The following HTR3B variants were observed in gnomAD, a reference collection of about 807,000 sequenced individuals.
HTR3B encodes the protein 5-hydroxytryptamine (serotonin) receptor 3B, ionotropic.
In HTR3B, 44 loss-of-function variants were observed where a neutral mutation model predicts 42.8. The observed-to-expected ratio is 1.03, with a 90% CI of 0.81 to 1.32. HTR3B has a LOEUF of 1.32. Ranked by LOEUF, HTR3B falls within the 40% of genes most tolerant of loss-of-function variation. HTR3B has a pLI of 0.00. For synonymous variants in HTR3B, 203 were observed against 209.0 expected (o/e 0.97, Z 0.25); for missense variants, 527 against 536.5 (o/e 0.98, Z 0.17).
At chr11:113,926,849 C>T (rs1591579042) in intron 2 of HTR3B, among the ~76,000 whole-genome samples, 1 of 152,142 alleles carries the variant, frequency 6.6e-6, no homozygotes, top group African/African-American at 2.4e-5. Context: ...TTCAAACTGA[C>T]TGAATCACTT....
chr11:113,932,626 C>A (rs1333380526), intron 5 of HTR3B, among the ~76,000 whole-genome samples, 168 bp downstream of exon 5: 1 of 134,466 alleles, frequency 7.4e-6, no homozygotes, highest in Non-Finnish European at 1.5e-5. Context: ...AAGTATGATG[C>A]TGTAGGCCCC....
chr11:113,924,917 A>G (rs1404894272), intron 2 of HTR3B, among the ~76,000 whole-genome samples: 1 of 152,226 alleles, frequency 6.6e-6, no homozygotes, highest in East Asian at 1.9e-4. Flanking sequence ...CAGGGCGACT[A>G]TGTTTCTATG....
intron 8 of HTR3B, among the ~76,000 whole-genome samples, chr11:113,945,697 C>CTCTG (rs1950171274): frequency 3.3e-5 from 5 of 152,344 alleles, no homozygotes; most frequent in African/African-American, 1.2e-4. Flanking sequence ...TACATAATAA[C>CTCTG]AGCTCTGACG....
intron 2 of HTR3B, among the ~76,000 whole-genome samples, chr11:113,927,208 C>G (rs905779227): frequency 6.6e-6 from 1 of 152,112 alleles, no homozygotes; most frequent in Non-Finnish European, 1.5e-5. Context: ...TTACCATCAC[C>G]GTGATTCAGT....
chr11:113,924,138 TA>T (rs1949944502), intron 2 of HTR3B, among the ~76,000 whole-genome samples: 1 of 152,224 alleles, frequency 6.6e-6, no homozygotes, highest in Admixed American at 6.5e-5. Flanking sequence ...CGAATAGATG[TA>T]AAAATGTATT....
At chr11:113,934,888 G>T (rs1950076168) in intron 6 of HTR3B, among the ~76,000 whole-genome samples, 1 of 152,062 alleles carries the variant, frequency 6.6e-6, no homozygotes. Context: ...GAAATGTGAA[G>T]GAGTAGCACA....
At chr11:113,900,624 G>T (rs1431061190), upstream of HTR3B, among the ~76,000 whole-genome samples, 1 of 152,144 alleles carries the variant, frequency 6.6e-6, no homozygotes, top group East Asian at 1.9e-4. Flanking sequence ...CTCCTGAGTA[G>T]CTGGGATAAC....
At chr11:113,911,165 G>A (rs1036829659) in intron 2 of HTR3B, among the ~76,000 whole-genome samples, 1 of 152,006 alleles carries the variant, frequency 6.6e-6, no homozygotes, top group Non-Finnish European at 1.5e-5. Flanking sequence ...TACATATGTG[G>A]AAATACACAG....
intron 6 of HTR3B, among the ~76,000 whole-genome samples, chr11:113,940,144 C>T (rs550123597): frequency 2.6e-4 from 40 of 152,244 alleles, no homozygotes; most frequent in African/African-American, 9.6e-4. Flanking sequence ...GCGTTGGCCT[C>T]CCAAAGTGCT....
At chr11:113,943,573 G>C (rs1409107449) in intron 7 of HTR3B, among the ~76,000 whole-genome samples, 1 of 151,922 alleles carries the variant, frequency 6.6e-6, no homozygotes, top group Non-Finnish European at 1.5e-5. Flanking sequence ...GACCTCAGGT[G>C]GTCCGCCCAC....
At chr11:113,918,008 T>C (rs1763268680) in intron 2 of HTR3B, among the ~76,000 whole-genome samples, 3 of 152,164 alleles carry the variant, frequency 2.0e-5, no homozygotes, top group African/African-American at 4.8e-5. Context: ...GCTTCCCACA[T>C]GGCATATTCT....
chr11:113,941,573 A>G (rs968006888), intron 6 of HTR3B, among the ~76,000 whole-genome samples: 5 of 151,632 alleles, frequency 3.3e-5, no homozygotes, highest in Non-Finnish European at 7.4e-5. Context: ...ACTGAGACGC[A>G]CTCCTCCACC....
rs77318025 is a variant in HTR3B, at chr11:113,940,377, C to T, written c.697-2605C>T. Among the ~76,000 whole-genome samples the T allele has an allele frequency of 2.9e-3, 442 of 152,328 alleles. 5 individuals are homozygous for T. Among genetic ancestry groups the T allele is most frequent in the African/African-American group, 9.5e-3 (395 of 41,574 alleles). ...CCCACAGGGCTAGATCACCAATAGCCCAGAATGGGCCACAACATAATACCC... is the reference window on the plus strand; with the variant it reads ...CCCACAGGGCTAGATCACCAATAGCTCAGAATGGGCCACAACATAATACCC... On this transcript the variant is annotated intron_variant, in intron 6 of 8. Transcript: ENST00000260191.
rs1362457495 is a variant in HTR3B at position 113,946,963 on chromosome 11, A to G, written c.*826A>G. On this transcript the variant is annotated 3_prime_UTR_variant, in exon 9 of 9. Transcript: ENST00000260191. ...GATTCCCATGGTCAACCTGGTACCA[A>G]CCAACCAGAGCATAAAATTCCTGCC... 6.6e-6 allele frequency among the ~76,000 whole-genome samples: 1 copy of G among 152,200 alleles called. No homozygotes were observed. The highest frequency in any genetic ancestry group is 1.5e-5 in the Non-Finnish European group (1 of 68,026).
At chr11:113,907,494 T>C (rs955372211) in intron 1 of HTR3B, among the ~76,000 whole-genome samples, 1 of 152,306 alleles carries the variant, frequency 6.6e-6, no homozygotes, top group South Asian at 2.1e-4. Flanking sequence ...TCTTTCCCCT[T>C]TTGGTTTATT....
At position 113,946,267 on chromosome 11, in the gene HTR3B, A is replaced by G. The variant is rs963369415; in HGVS notation, c.*130A>G. ...TATAGTCCCAGTGCTTTGGGAGGCCATAGCAGGAGGATTGCTTGAGCCCAG... is the reference window on the plus strand; with the variant it reads ...TATAGTCCCAGTGCTTTGGGAGGCCGTAGCAGGAGGATTGCTTGAGCCCAG... On this transcript the variant is annotated 3_prime_UTR_variant, in exon 9 of 9. Transcript: ENST00000260191. 2.6e-5 allele frequency: 18 copies of G among 692,728 alleles called. No individual in the cohort carries two copies. Among genetic ancestry groups the G allele is most frequent in the South Asian group, 3.4e-5 (2 of 58,072 alleles). The allele number at this position is 692,728 out of a possible 1,614,324, so 42.9% of individuals were successfully genotyped here. A position where few individuals can be genotyped will look rare whatever the true frequency, so the allele number is the denominator to read the frequency against.
intron 6 of HTR3B, among the ~76,000 whole-genome samples, chr11:113,938,943 C>T (rs549135671): frequency 2.2e-4 from 33 of 151,832 alleles, no homozygotes; most frequent in African/African-American, 7.5e-4. Context: ...TGCAGTGAGT[C>T]GAGATTGCGT....
intron 2 of HTR3B, among the ~76,000 whole-genome samples, chr11:113,918,179 A>AAT (rs763999443): frequency 1.3e-5 from 2 of 151,796 alleles, no homozygotes; most frequent in East Asian, 1.9e-4. Context: ...ACATCTTGCA[A>AAT]ATATATATAT....
chr11:113,937,188 G>T (rs1950098378), intron 6 of HTR3B, among the ~76,000 whole-genome samples: 1 of 152,186 alleles, frequency 6.6e-6, no homozygotes, highest in African/African-American at 2.4e-5. Flanking sequence ...CACTGAGCAG[G>T]TGACATGCCT....
Sources: gnomAD v4.1 joint callset for allele counts (sites outside exome capture counted in the v4.1 genomes callset) on GRCh38, gnomAD v4.1.1 for gene constraint, MANE v1.5 for transcripts, NCBI Gene and HGNC (gene_info 2026-07-23, HGNC 2026-07-21) for gene names.